Variants in NAV2 observed in about 807,000 individuals in gnomAD.
NAV2 encodes the protein helicase, APC down-regulated 1.
A neutral mutation model predicts 223.2 loss-of-function variants in NAV2; 54 were observed. That is an observed-to-expected ratio of 0.24 (90% confidence interval 0.19 to 0.30). The LOEUF (loss-of-function observed/expected upper bound fraction) is 0.30, where lower values mean the gene tolerates loss of function less well. Ranked by LOEUF, NAV2 falls within the 10% of genes least tolerant of loss-of-function variation. The pLI is 1.00. For missense variants in NAV2, 2,806 were observed against 3,147.5 expected (o/e 0.89, Z 2.60); for synonymous variants, 1,279 against 1,239.3 (o/e 1.03, Z -0.67).
rs570187188 is a variant in NAV2, at chr11:19,695,641, C to T, written c.76-136843C>T. 6.6e-5 allele frequency among the ~76,000 whole-genome samples: 10 copies of T among 152,226 alleles called. No homozygotes were observed. In the East Asian group the frequency reaches 1.2e-3, roughly 18 times the overall value. On this transcript the variant is annotated intron_variant, in intron 1 of 37. Transcript: ENST00000360655. Reference sequence around the variant, plus strand: ...TGGATGGGCCGGGCATGGTGGCTCACGCCTGTAATCCCAGCACTTTGGGAG... The same window carrying T: ...TGGATGGGCCGGGCATGGTGGCTCATGCCTGTAATCCCAGCACTTTGGGAG...
In NAV2 at chr11:20,118,479, T is replaced by C. The variant is rs980604245; in HGVS notation, c.*221T>C. The C allele has an allele frequency of 6.4e-5, 34 of 527,828 alleles. No individual in the cohort carries two copies. Among genetic ancestry groups the C allele is most frequent in the Admixed American group, 1.3e-4 (4 of 29,706 alleles). The allele number at this position is 527,828 out of a possible 1,614,324, so 32.7% of individuals were successfully genotyped here. A position where few individuals can be genotyped will look rare whatever the true frequency, so the allele number is the denominator to read the frequency against. ...CCACAGCGAGAACTGCACTACCTTC[T>C]GTTGTACTTTAATTATTGTTTTGCC... On this transcript the variant is annotated 3_prime_UTR_variant, in exon 38 of 38. Transcript: ENST00000349880.
chr11:20,049,272 A>G, intron 15 of NAV2, 77 bp downstream of exon 15: 1 of 1,073,348 alleles, frequency 9.3e-7, no homozygotes, highest in Non-Finnish European at 1.4e-6. Flanking sequence ...AGGAATCCCA[A>G]ATGTCGAATA....
intron 24 of NAV2, 69 bp from the exon 25 acceptor site, chr11:20,079,995 G>T: frequency 1.2e-5 from 19 of 1,575,846 alleles, no homozygotes; most frequent in Middle Eastern, 2.3e-4. Flanking sequence ...TTGCTTAAAG[G>T]GCAAAATCCT....
chr11:20,117,566 G>A (rs985565658), intron 37 of NAV2, among the ~76,000 whole-genome samples: 1 of 152,078 alleles, frequency 6.6e-6, no homozygotes, highest in Admixed American at 6.5e-5. Context: ...TCACCTCCCT[G>A]CCAAGGCTTC....
At chr11:19,507,336 G>C (rs1483435905) in intron 1 of NAV2, 1 of 152,158 alleles carries the variant, frequency 6.6e-6, no homozygotes, top group Non-Finnish European at 1.5e-5. Context: ...GGTAATAATA[G>C]ACCCCTGGAG....
chr11:19,884,860 A>T (rs1209495644), intron 5 of NAV2, among the ~76,000 whole-genome samples: 1 of 152,094 alleles, frequency 6.6e-6, no homozygotes, highest in Non-Finnish European at 1.5e-5. Context: ...TTGAGCATGA[A>T]TCCATATTGG....
At chr11:19,591,783 G>A (rs4757821) in intron 1 of NAV2, among the ~76,000 whole-genome samples, 102,477 of 152,144 alleles carry the variant, frequency 0.67, 41,148 homozygotes, top group Non-Finnish European at 0.88. Flanking sequence ...TTTATCTTGA[G>A]GTCCTGAAAT....
chr11:19,472,773 C>T (rs540972750), intron 1 of NAV2, among the ~76,000 whole-genome samples: 2 of 152,196 alleles, frequency 1.3e-5, no homozygotes, highest in Non-Finnish European at 2.9e-5. Flanking sequence ...CGGTAGTTGC[C>T]GGGAAGATGA....
At chr11:20,077,909 T>C in intron 23 of NAV2, 84 bp from the exon 24 acceptor site, 2 of 1,081,636 alleles carry the variant, frequency 1.8e-6, no homozygotes, top group Admixed American at 4.1e-5. Flanking sequence ...TTCCCGCTCC[T>C]CCTGTGTTGA....
intron 1 of NAV2, among the ~76,000 whole-genome samples, chr11:19,671,905 G>A (rs186809203): frequency 1.0e-3 from 156 of 152,248 alleles, no homozygotes; most frequent in African/African-American, 3.6e-3. Context: ...CTACATGTGG[G>A]GAATTCAAAG....
intron 1 of NAV2, among the ~76,000 whole-genome samples, chr11:19,419,913 GT>G: frequency 6.6e-6 from 1 of 152,210 alleles, no homozygotes; most frequent in Non-Finnish European, 1.5e-5. Flanking sequence ...GCCTTTGGCA[GT>G]TTGCTGTGAG....
intron 8 of NAV2, among the ~76,000 whole-genome samples, chr11:19,940,487 C>T (rs2585769): frequency 0.47 from 70,907 of 151,940 alleles, 17,003 homozygotes; most frequent in Non-Finnish European, 0.52. Context: ...TTCCCCATTC[C>T]AAAACTCTGT....
At chr11:20,063,312 A>T (rs2058824134) in intron 20 of NAV2, among the ~76,000 whole-genome samples, 1 of 152,204 alleles carries the variant, frequency 6.6e-6, no homozygotes, top group African/African-American at 2.4e-5. Context: ...AATCAAATAC[A>T]TTTAGATCTT....
intron 1 of NAV2, among the ~76,000 whole-genome samples, chr11:19,783,264 C>T (rs1264848765): frequency 1.3e-5 from 2 of 152,176 alleles, no homozygotes; most frequent in Non-Finnish European, 2.9e-5. Context: ...TTGTGGGATC[C>T]AGTCCATTGG....
At chr11:19,382,667 T>C (rs768941059) in intron 1 of NAV2, among the ~76,000 whole-genome samples, 2 of 152,186 alleles carry the variant, frequency 1.3e-5, no homozygotes, top group Admixed American at 6.5e-5. Flanking sequence ...CTGAAACTTA[T>C]ATAAGGTTTG....
Position 19,998,710 on chromosome 11 carries a change from CCT to C in NAV2, c.2768+14469_2768+14470del, listed in dbSNP as rs386751300. On this transcript the variant is annotated intron_variant, in intron 11 of 37. Coordinates refer to ENST00000349880, the MANE Select transcript of NAV2 (RefSeq NM_145117.5). The surrounding 1 kb of genome is among the most constrained non-coding windows in gnomAD (Gnocchi z 5.0). Reference sequence around the variant, plus strand: ...CCTCTGCATAGACTGTGCTTCCCCCCCTCTCTCCTTTTCTCCTTATAAGCCTG... The same window carrying C: ...CCTCTGCATAGACTGTGCTTCCCCCCCTCTCCTTTTCTCCTTATAAGCCTG... 6.6e-6 allele frequency among the ~76,000 whole-genome samples: 1 copy of C among 152,102 alleles called. No homozygotes were observed. The highest frequency in any genetic ancestry group is 2.4e-5 in the African/African-American group (1 of 41,418).
intron 1 of NAV2, among the ~76,000 whole-genome samples, chr11:19,718,469 T>G (rs970551683): frequency 1.3e-5 from 2 of 152,252 alleles, no homozygotes; most frequent in Non-Finnish European, 2.9e-5. Flanking sequence ...GTTTTAGATG[T>G]TGAAAAAGAA....
chr11:19,624,123 C>G (rs148427694), intron 1 of NAV2, among the ~76,000 whole-genome samples: 1,754 of 152,272 alleles, frequency 0.012, 36 homozygotes, highest in East Asian at 0.063. Flanking sequence ...GATTGTTCCT[C>G]TGGAAGCTTC....
At chr11:19,628,482 C>T (rs911234692) in intron 1 of NAV2, among the ~76,000 whole-genome samples, 8 of 152,178 alleles carry the variant, frequency 5.3e-5, no homozygotes, top group African/African-American at 1.2e-4. Flanking sequence ...CCCCACACCC[C>T]GTACACACAT....
Sources: gnomAD v4.1 joint callset for allele counts (sites outside exome capture counted in the v4.1 genomes callset) on GRCh38, gnomAD v4.1.1 for gene constraint, Gnocchi (gnomAD v3.1) non-coding constraint, MANE v1.5 for transcripts, NCBI Gene and HGNC (gene_info 2026-07-23, HGNC 2026-07-21) for gene names.